The following TTC6 variants were observed in gnomAD, a reference collection of about 807,000 sequenced individuals.
TTC6 encodes tetratricopeptide repeat protein 6.
A neutral mutation model predicts 210.4 loss-of-function variants in TTC6; 172 were observed. The observed-to-expected ratio is 0.82, with a 90% confidence interval of 0.72 to 0.93. TTC6 has a LOEUF of 0.93. Ranked by LOEUF, TTC6 falls within the 40% of genes least tolerant of loss-of-function variation. The pLI is 0.00. For synonymous variants in TTC6, 804 were observed against 819.6 expected (o/e 0.98, Z 0.32); for missense variants, 2,414 against 2,318.1 (o/e 1.04, Z -0.85).
intron 29 of TTC6, among the ~76,000 whole-genome samples, chr14:37,838,501 T>C (rs2096202909): frequency 6.6e-6 from 1 of 152,190 alleles, no homozygotes; most frequent in Non-Finnish European, 1.5e-5. Flanking sequence ...TCTTGAGTCT[T>C]TGGTCTTTTC....
chr14:37,796,007 T>C (rs1463390885), intron 18 of TTC6, among the ~76,000 whole-genome samples: 1 of 152,166 alleles, frequency 6.6e-6, no homozygotes, highest in Non-Finnish European at 1.5e-5. Flanking sequence ...ACTTTATCTT[T>C]TAATAATTTC....
intron 7 of TTC6, among the ~76,000 whole-genome samples, chr14:37,732,704 C>T (rs1052273598): frequency 4.0e-5 from 6 of 151,288 alleles, no homozygotes; most frequent in Admixed American, 1.3e-4. Flanking sequence ...CTGCAAGCTC[C>T]GCCTCCTGGG....
intron 7 of TTC6, among the ~76,000 whole-genome samples, chr14:37,730,288 TA>T (rs1259295661): frequency 1.3e-5 from 2 of 152,186 alleles, no homozygotes; most frequent in Non-Finnish European, 2.9e-5. Flanking sequence ...TTTTCCTTTT[TA>T]AAAAATAAAA....
At chr14:37,653,865 C>T (rs1246494161) in intron 1 of TTC6, among the ~76,000 whole-genome samples, 1 of 152,158 alleles carries the variant, frequency 6.6e-6, no homozygotes, top group African/African-American at 2.4e-5. Context: ...TATTTATACA[C>T]TGGCAACATA....
rs138482253 is a variant in TTC6, at chr14:37,710,677, G to A, written c.1572-3978G>A. Among the ~76,000 whole-genome samples the A allele has an allele frequency of 1.8e-3, 279 of 152,290 alleles. 2 individuals carry two copies. Among genetic ancestry groups the A allele is most frequent in the African/African-American group, 6.4e-3 (267 of 41,576 alleles). On this transcript the variant is annotated intron_variant, in intron 5 of 30. Transcript: ENST00000553443. ...TTTGTAAATGAGGAAACAGACTGAAGAGGAAACATAGCACAGTGAGGGGCC... is the reference window on the plus strand; with the variant it reads ...TTTGTAAATGAGGAAACAGACTGAAAAGGAAACATAGCACAGTGAGGGGCC...
At chr14:37,717,188 A>G (rs773994948) in intron 6 of TTC6, among the ~76,000 whole-genome samples, 13 of 151,886 alleles carry the variant, frequency 8.6e-5, no homozygotes, top group Non-Finnish European at 1.8e-4. Context: ...AGCAAAATGA[A>G]CCCAAAACAA....
At chr14:37,614,278 A>G (rs1371194555) in intron 2 of TTC6, among the ~76,000 whole-genome samples, 1 of 152,146 alleles carries the variant, frequency 6.6e-6, no homozygotes, top group African/African-American at 2.4e-5. Flanking sequence ...AGTAATTACA[A>G]TATACCTTCT....
chr14:37,661,518 C>T (rs1326584539), intron 1 of TTC6, among the ~76,000 whole-genome samples: 1 of 152,026 alleles, frequency 6.6e-6, no homozygotes, highest in Non-Finnish European at 1.5e-5. Context: ...TATTCTGTTC[C>T]ATTGGTCTAT....
At chr14:37,699,797 G>A (rs1004594778) in intron 4 of TTC6, among the ~76,000 whole-genome samples, 9 of 152,136 alleles carry the variant, frequency 5.9e-5, no homozygotes, top group Non-Finnish European at 1.2e-4. Flanking sequence ...TTCAAAAGGA[G>A]GAATCTAGTT....
intron 24 of TTC6, among the ~76,000 whole-genome samples, chr14:37,810,747 T>C (rs2096127902): frequency 6.6e-6 from 1 of 152,206 alleles, no homozygotes; most frequent in Admixed American, 6.5e-5. Flanking sequence ...AGTAACTTTC[T>C]GCAGAAAATG....
chr14:37,663,851 C>T (rs1385457134), intron 1 of TTC6, among the ~76,000 whole-genome samples: 1 of 152,106 alleles, frequency 6.6e-6, no homozygotes, highest in Non-Finnish European at 1.5e-5. Context: ...CATTCTTGTA[C>T]ACCAACAACA....
chr14:37,684,071 C>G (rs147255903), intron 3 of TTC6, among the ~76,000 whole-genome samples: 2 of 151,990 alleles, frequency 1.3e-5, no homozygotes, highest in African/African-American at 4.8e-5. Flanking sequence ...AATTTTTGCC[C>G]GAGACTCCCA....
At chr14:37,761,399 C>T (rs1047269095) in intron 14 of TTC6, among the ~76,000 whole-genome samples, 4 of 151,934 alleles carry the variant, frequency 2.6e-5, no homozygotes, top group Non-Finnish European at 2.9e-5. Flanking sequence ...CCACCTTTTG[C>T]GTGGGTCTTG....
At chr14:37,611,251 A>C (rs1475262419) in intron 2 of TTC6, 1 of 152,194 alleles carries the variant, frequency 6.6e-6, no homozygotes, top group Non-Finnish European at 1.5e-5. Context: ...CGGTGGAGCC[A>C]GTCGAGCCCA....
At chr14:37,709,833 T>G (rs2095841769) in intron 5 of TTC6, among the ~76,000 whole-genome samples, 1 of 152,016 alleles carries the variant, frequency 6.6e-6, no homozygotes, top group African/African-American at 2.4e-5. Context: ...AAGAAAAAAA[T>G]TATAAAGGAC....
At chr14:37,761,894 A>T (rs1258023121) in intron 14 of TTC6, among the ~76,000 whole-genome samples, 2 of 152,188 alleles carry the variant, frequency 1.3e-5, no homozygotes, top group Non-Finnish European at 2.9e-5. Flanking sequence ...AATTGAGCTT[A>T]TTAACATATC....
intron 1 of TTC6, among the ~76,000 whole-genome samples, chr14:37,647,166 T>C (rs1384804178): frequency 6.6e-6 from 1 of 152,148 alleles, no homozygotes. Flanking sequence ...GTGTAGAGTC[T>C]TGTAGCCCAT....
chr14:37,772,363 C>G (rs2096022054), intron 14 of TTC6: 1 of 160,148 alleles, frequency 6.2e-6, no homozygotes, highest in Non-Finnish European at 1.3e-5. Flanking sequence ...CTTTGTTTAC[C>G]TAAGTAAGCC....
intron 15 of TTC6, among the ~76,000 whole-genome samples, chr14:37,787,915 GTGTGTGTGT>G (rs1397168496): frequency 4.0e-5 from 6 of 151,402 alleles, no homozygotes; most frequent in African/African-American, 1.5e-4. Flanking sequence ...GTGTGTGTGT[GTGTGTGTGT>G]TAACTGTGGC....
Sources: gnomAD v4.1 joint callset for allele counts (sites outside exome capture counted in the v4.1 genomes callset) on GRCh38, gnomAD v4.1.1 for gene constraint, MANE v1.5 for transcripts, NCBI Gene and HGNC (gene_info 2026-07-23, HGNC 2026-07-21) for gene names.